The following CDR2 variants were observed in gnomAD, a reference collection of about 807,000 sequenced individuals.
CDR2 encodes the protein cerebellar degeneration-related protein 2.
A neutral mutation model predicts 48.4 loss-of-function variants in CDR2; 34 were observed. The ratio of observed to expected loss-of-function variants is 0.70; its 90% CI spans 0.53 to 0.94. The LOEUF is 0.94. CDR2 is among the 40% of genes least tolerant of loss of function. The pLI, the probability that CDR2 is intolerant of heterozygous loss-of-function variation, is 0.00. For missense variants in CDR2, 498 were observed against 549.5 expected, an observed-to-expected ratio of 0.91 and a Z score of 0.94; for synonymous variants, 240 against 219.7, an observed-to-expected ratio of 1.09 and a Z score of -0.82.
intron 2 of CDR2, among the ~76,000 whole-genome samples, chr16:22,360,575 G>C (rs1567347422): frequency 1.3e-5 from 2 of 151,952 alleles, no homozygotes; most frequent in Admixed American, 6.6e-5. Context: ...TAGGGATCTT[G>C]TCCTAGTATT....
At position 22,353,530 on chromosome 16, in the gene CDR2, C is replaced by T. The variant is rs144311469; in HGVS notation, c.193-3681G>A. ...ATGCGTCTTTGGCATAAAAAGGTTC[C>T]TGCCTCCTCCCTCTCTACCAGGGAG... On this transcript the variant is annotated intron_variant, in intron 2 of 4. Transcript: ENST00000268383. Among the ~76,000 whole-genome samples the T allele has an allele frequency of 1.6e-4, 24 of 152,284 alleles. 1 individual carries two copies. In the East Asian group the frequency reaches 4.2e-3, roughly 27 times the overall value.
At chr16:22,371,005 G>A (rs369756200) in intron 1 of CDR2, among the ~76,000 whole-genome samples, 3 of 152,310 alleles carry the variant, frequency 2.0e-5, no homozygotes, top group Admixed American at 6.5e-5. Context: ...GAGGTCAGGA[G>A]ATTGAGACCA....
intron 1 of CDR2, among the ~76,000 whole-genome samples, chr16:22,372,955 G>A (rs1468453219): frequency 6.6e-6 from 1 of 152,194 alleles, no homozygotes; most frequent in Non-Finnish European, 1.5e-5. Flanking sequence ...TTCATTGCAA[G>A]ATTAGAGCTG....
At chr16:22,352,752 T>C (rs2048950606) in intron 2 of CDR2, among the ~76,000 whole-genome samples, 1 of 152,202 alleles carries the variant, frequency 6.6e-6, no homozygotes, top group Admixed American at 6.5e-5. Context: ...TGTTAGTACC[T>C]ACCATGTAGA....
Position 22,374,219 on chromosome 16 carries a change from C to T in CDR2, c.79+12G>A, listed in dbSNP as rs891148795. ...AGGCCGCCGCCCGCCCGCGGGGCGC[C>T]CCCGCCCTCACCTTGCTGGAGGTCC... On this transcript the variant is annotated intron_variant, in intron 1 of 4. Coordinates refer to ENST00000268383, the MANE Select transcript of CDR2 (RefSeq NM_001802.2). The T allele has an allele frequency of 4.4e-6, 7 of 1,578,566 alleles. No individual in the cohort carries two copies. Among genetic ancestry groups the T allele is most frequent in the African/African-American group, 1.4e-5 (1 of 71,866 alleles).
chr16:22,349,678 T>C (rs1385042418), intron 3 of CDR2, 23 bp downstream of exon 3: 1 of 1,612,794 alleles, frequency 6.2e-7, no homozygotes, highest in East Asian at 2.2e-5. Flanking sequence ...TAGTCCTTCC[T>C]TGTCAGATTC....
chr16:22,372,893 G>GCCCC (rs2141856836), intron 1 of CDR2, among the ~76,000 whole-genome samples: 2 of 152,294 alleles, frequency 1.3e-5, no homozygotes, highest in Admixed American at 1.3e-4. Flanking sequence ...TCAGTGGTTA[G>GCCCC]CATGAACAAG....
Position 22,346,980 on chromosome 16 carries a change from G to A in CDR2, c.1350C>T (p.Leu450=). The stretch of plus-strand genomic sequence containing the variant: ...AGAGGTTCAATTAAGAATGAGAGGA[G>A]AGTGATCGGTATTTTGTTCTCTGTT... ...IDEQRTKYRS[L]SSHS The change falls in exon 5 of 5, where the codon CTC becomes CTT. Residue 450 remains leucine, a synonymous_variant. Coordinates refer to ENST00000268383, the MANE Select transcript of CDR2 (RefSeq NM_001802.2). 6.2e-7 allele frequency: 1 copy of A among 1,610,240 alleles called. No homozygotes were observed. Among genetic ancestry groups the A allele is most frequent in the East Asian group, 2.2e-5 (1 of 44,762 alleles).
At position 22,374,617 on chromosome 16, in the gene CDR2, C is replaced by T. The variant is rs773085330; in HGVS notation, c.-308G>A. 41 of 163,112 alleles carry T rather than the reference C, an allele frequency of 2.5e-4. No homozygotes were observed. Among genetic ancestry groups the T allele is most frequent in the Non-Finnish European group, 4.1e-4 (31 of 75,288 alleles). 10.1% of individuals were successfully genotyped at this position (163,112 alleles called of 1,614,324 possible). On this transcript the variant is annotated 5_prime_UTR_variant, in exon 1 of 5. Transcript: ENST00000268383. The stretch of plus-strand genomic sequence containing the variant: ...CGCCGGGCCCAACGTGGCACTTTGG[C>T]AGAACCCTCCCCGGCCGGGGATGCG...
At chr16:22,351,522 TG>T (rs1410379507) in intron 2 of CDR2, among the ~76,000 whole-genome samples, 2 of 151,904 alleles carry the variant, frequency 1.3e-5, no homozygotes, top group Admixed American at 6.5e-5. Flanking sequence ...GATCTTAATT[TG>T]GAAAAAAAAA....
Position 22,351,992 on chromosome 16 carries a change from A to G in CDR2, c.193-2143T>C, listed in dbSNP as rs193083041. Among the ~76,000 whole-genome samples, 10 of 152,344 alleles carry G rather than the reference A, an allele frequency of 6.6e-5. No individual in the cohort carries two copies. In the East Asian group the frequency reaches 1.9e-3, roughly 29 times the overall value. On this transcript the variant is annotated intron_variant, in intron 2 of 4. Transcript: ENST00000268383. ...GCCAGGCATGGTGGCTCACACCTGT[A>G]ATCCCAACACTTTGGGAGGCCAAAA...
rs115942447 is a variant in CDR2, at chr16:22,362,760, G to C, written c.192+2142C>G. 6.8e-3 allele frequency among the ~76,000 whole-genome samples: 1,028 copies of C among 152,252 alleles called. 13 individuals carry two copies. The highest frequency in any genetic ancestry group is 0.023 in the African/African-American group (939 of 41,544). ...AACATTTGGCTAGTTTAATAGTTTT[G>C]TTTTTAGACTAGAGACACGGTCTCA... On this transcript the variant is annotated intron_variant, in intron 2 of 4. Transcript: ENST00000268383.
In CDR2 at chr16:22,347,001, C is replaced by G; in HGVS notation, c.1329G>C (p.Gln443His). 1 of 1,613,576 alleles carries G rather than the reference C, an allele frequency of 6.2e-7. No individual in the cohort carries two copies. ...AGGAGAGTGATCGGTATTTTGTTCT[C>G]TGTTCATCTATTTCCTGCTTAGTTT... The part of the protein sequence containing the change: ...IKKTKQEIDE[Q>H]RTKYRSLSSH... The change falls in exon 5 of 5, where the codon CAG becomes CAC. Residue 443 changes from glutamine (Q) to histidine (H), a missense_variant. By Grantham distance (24) the Gln-to-His change is conservative. Transcript: ENST00000268383.
intron 2 of CDR2, among the ~76,000 whole-genome samples, chr16:22,353,831 T>C (rs1255815449): frequency 1.3e-5 from 2 of 152,216 alleles, no homozygotes; most frequent in African/African-American, 4.8e-5. Context: ...GAAATAGATA[T>C]GTTAGTAAGC....
chr16:22,350,047 G>C (rs1164774728), intron 2 of CDR2, among the ~76,000 whole-genome samples, 198 bp from the exon 3 acceptor site: 1 of 152,120 alleles, frequency 6.6e-6, no homozygotes, highest in African/African-American at 2.4e-5. Flanking sequence ...AAATTAGCCA[G>C]GTGTGGTGGC....
chr16:22,365,619 A>T (rs1297351020), intron 1 of CDR2, among the ~76,000 whole-genome samples: 1 of 152,196 alleles, frequency 6.6e-6, no homozygotes, highest in African/African-American at 2.4e-5. Context: ...AGGTAATTAC[A>T]TGTCAGTAGC....
At chr16:22,359,066 C>A (rs2141848317) in intron 2 of CDR2, among the ~76,000 whole-genome samples, 1 of 152,268 alleles carries the variant, frequency 6.6e-6, no homozygotes, top group South Asian at 2.1e-4. Context: ...GTCACAGGCG[C>A]CCCAGATATA....
rs563661170 is a variant in CDR2 at position 22,371,807 on chromosome 16, G to C, written c.79+2424C>G. 1.3e-4 allele frequency among the ~76,000 whole-genome samples: 20 copies of C among 151,904 alleles called. No homozygotes were observed. In the East Asian group the frequency reaches 3.9e-3, roughly 29 times the overall value. On this transcript the variant is annotated intron_variant, in intron 1 of 4. Transcript: ENST00000268383. ...CACTGTGATAACGTAACAGCCCTTT[G>C]AAAAACACAGAAATGCAACTGGCAG... is the stretch of plus-strand genomic sequence containing the variant.
chr16:22,364,875 G>A, intron 2 of CDR2, 27 bp downstream of exon 2: 1 of 1,358,358 alleles, frequency 7.4e-7, no homozygotes, highest in Admixed American at 1.7e-5. Context: ...AGTGTCAAAA[G>A]TGTAACTCTC....
Sources: gnomAD v4.1 joint callset for allele counts (sites outside exome capture counted in the v4.1 genomes callset) on GRCh38, gnomAD v4.1.1 for gene constraint, MANE v1.5 for transcripts, NCBI Gene and HGNC (gene_info 2026-07-23, HGNC 2026-07-21) for gene names.